Variants in UNC5D observed in about 807,000 individuals in gnomAD.
UNC5D encodes the protein netrin receptor UNC5D.
UNC5D carries 39 observed loss-of-function variants against 105.4 expected under a neutral mutation model. The ratio of observed to expected loss-of-function variants is 0.37; its 90% CI spans 0.29 to 0.48. The LOEUF (loss-of-function observed/expected upper bound fraction) is 0.48, where lower values mean the gene tolerates loss of function less well. Among genes scored for constraint, UNC5D ranks in the 20% least tolerant of loss-of-function variants. The pLI is 0.98. For missense variants in UNC5D, 991 were observed against 1,202.4 expected (o/e 0.82, Z 2.60); for synonymous variants, 452 against 450.4 (o/e 1.00, Z -0.04).
At chr8:35,377,509 G>A (rs914539559) in intron 1 of UNC5D, among the ~76,000 whole-genome samples, 1 of 152,184 alleles carries the variant, frequency 6.6e-6, no homozygotes, top group African/African-American at 2.4e-5. Flanking sequence ...CAGTGGGAAA[G>A]CTCCCCGTGC....
chr8:35,494,659 G>A (rs1462310827), intron 1 of UNC5D, among the ~76,000 whole-genome samples: 1 of 152,190 alleles, frequency 6.6e-6, no homozygotes, highest in Non-Finnish European at 1.5e-5. Context: ...AATTCTGAAA[G>A]CTGTGCCTTG....
intron 1 of UNC5D, among the ~76,000 whole-genome samples, chr8:35,365,719 A>AG (rs1802080334): frequency 6.6e-6 from 1 of 152,020 alleles, no homozygotes; most frequent in Non-Finnish European, 1.5e-5. Flanking sequence ...ACCAGGGGAA[A>AG]TGGGGAAGGG....
chr8:35,535,496 C>T (rs1409326328), intron 1 of UNC5D, among the ~76,000 whole-genome samples: 1 of 150,690 alleles, frequency 6.6e-6, no homozygotes, highest in African/African-American at 2.4e-5. Flanking sequence ...TCTTGAGGTA[C>T]AACAGCAGAT....
At chr8:35,764,468 G>T (rs1801678025) in intron 14 of UNC5D, among the ~76,000 whole-genome samples, 1 of 152,096 alleles carries the variant, frequency 6.6e-6, no homozygotes, top group Non-Finnish European at 1.5e-5. Context: ...AAGCTCAGGA[G>T]AATTAGGAAA....
intron 1 of UNC5D, among the ~76,000 whole-genome samples, chr8:35,343,519 T>C (rs1421785522): frequency 6.6e-6 from 1 of 152,140 alleles, no homozygotes; most frequent in Non-Finnish European, 1.5e-5. Context: ...TTAGTTTTTT[T>C]CTTGATGTTT....
chr8:35,265,204 CTT>C (rs1804774046), intron 1 of UNC5D, among the ~76,000 whole-genome samples: 1 of 127,570 alleles, frequency 7.8e-6, no homozygotes, highest in Non-Finnish European at 1.9e-5. Flanking sequence ...AGACTGTGAC[CTT>C]ATCATAGTCT....
intron 1 of UNC5D, among the ~76,000 whole-genome samples, chr8:35,419,485 G>A (rs1805746225): frequency 6.6e-6 from 1 of 152,186 alleles, no homozygotes; most frequent in Non-Finnish European, 1.5e-5. Context: ...GGGACATGGT[G>A]CCACCAGAAA....
chr8:35,251,636 A>C (rs1341645987), intron 1 of UNC5D, among the ~76,000 whole-genome samples: 3 of 152,200 alleles, frequency 2.0e-5, no homozygotes, highest in African/African-American at 7.2e-5. Flanking sequence ...TGGAAGGAAC[A>C]TTTTAAGAAC....
At chr8:35,724,123 G>A in intron 9 of UNC5D, 1 of 1,414,998 alleles carries the variant, frequency 7.1e-7, no homozygotes, top group African/African-American at 1.4e-5. Flanking sequence ...GTGGATCCCT[G>A]GCCTACACCT....
intron 1 of UNC5D, among the ~76,000 whole-genome samples, chr8:35,533,520 C>T (rs1284860718): frequency 1.3e-5 from 2 of 152,222 alleles, no homozygotes; most frequent in Non-Finnish European, 1.5e-5. Flanking sequence ...GCCCTGCCCC[C>T]AGAGGTGGAG....
At chr8:35,330,742 C>T (rs1346315573) in intron 1 of UNC5D, among the ~76,000 whole-genome samples, 5 of 152,144 alleles carry the variant, frequency 3.3e-5, no homozygotes, top group African/African-American at 1.2e-4. Context: ...CTGGGGGCTG[C>T]AATGAAAAAA....
intron 13 of UNC5D, among the ~76,000 whole-genome samples, chr8:35,753,240 C>T (rs1197428426): frequency 6.6e-6 from 1 of 152,022 alleles, no homozygotes; most frequent in Non-Finnish European, 1.5e-5. Flanking sequence ...CTAATTGAAT[C>T]CAAATGTATT....
At chr8:35,302,442 C>T (rs1480875943) in intron 1 of UNC5D, among the ~76,000 whole-genome samples, 1 of 152,174 alleles carries the variant, frequency 6.6e-6, no homozygotes. Flanking sequence ...GTTTCTTTTC[C>T]TCAGATGCTG....
At chr8:35,662,621 T>C (rs1824179493) in intron 4 of UNC5D, among the ~76,000 whole-genome samples, 2 of 152,162 alleles carry the variant, frequency 1.3e-5, no homozygotes, top group Admixed American at 1.3e-4. Flanking sequence ...CATAAATGTA[T>C]TGCACCCCAC....
intron 11 of UNC5D, among the ~76,000 whole-genome samples, chr8:35,737,060 T>C (rs1335021282): frequency 1.3e-5 from 2 of 152,156 alleles, no homozygotes; most frequent in Non-Finnish European, 2.9e-5. Context: ...TTATTTTCCT[T>C]GGCACAATTA....
intron 1 of UNC5D, among the ~76,000 whole-genome samples, chr8:35,364,657 C>A (rs1472331745): frequency 6.6e-6 from 1 of 152,142 alleles, no homozygotes; most frequent in Non-Finnish European, 1.5e-5. Flanking sequence ...CATGCACATA[C>A]ATACACATAT....
At chr8:35,370,413 T>C (rs1294374378) in intron 1 of UNC5D, among the ~76,000 whole-genome samples, 1 of 152,262 alleles carries the variant, frequency 6.6e-6, no homozygotes, top group Non-Finnish European at 1.5e-5. Flanking sequence ...CTAAGTGTTC[T>C]GTCATATTCC....
At chr8:35,567,200 G>A (rs1586148911) in intron 2 of UNC5D, among the ~76,000 whole-genome samples, 1 of 152,040 alleles carries the variant, frequency 6.6e-6, no homozygotes, top group Admixed American at 6.5e-5. Flanking sequence ...ATTGCTATGG[G>A]GGCCTCCCTG....
At chr8:35,708,842 G>T (rs573219026) in intron 8 of UNC5D, among the ~76,000 whole-genome samples, 1 of 152,090 alleles carries the variant, frequency 6.6e-6, no homozygotes, top group Non-Finnish European at 1.5e-5. Flanking sequence ...ATCTTCAGTT[G>T]AATATGTCCT....
Sources: allele counts gnomAD v4.1 joint callset (sites outside exome capture counted in the v4.1 genomes callset), GRCh38; gene constraint gnomAD v4.1.1; transcripts MANE v1.5; gene names NCBI Gene and HGNC (gene_info 2026-07-23, HGNC 2026-07-21).